Variants in STOX2 observed in about 807,000 individuals in gnomAD.
STOX2 encodes storkhead box 2.
Under a neutral mutation model 60.9 loss-of-function variants are expected in STOX2, and 28 were observed. The observed-to-expected ratio is 0.46, with a 90% confidence interval of 0.34 to 0.63. The LOEUF (loss-of-function observed/expected upper bound fraction) is 0.63. Ranked by LOEUF, STOX2 falls within the 30% of genes least tolerant of loss-of-function variation. The pLI, the probability that STOX2 is intolerant of heterozygous loss-of-function variation, is 0.01. For synonymous variants in STOX2, 472 were observed against 463.9 expected (o/e 1.02, Z -0.22); for missense variants, 1,024 against 1,187.7 (o/e 0.86, Z 2.03).
chr4:183,990,578 ATTTTTTTTTTTTTTTT>A (rs57369052), intron 1 of STOX2, among the ~76,000 whole-genome samples: 17 of 82,450 alleles, frequency 2.1e-4, no homozygotes, highest in Admixed American at 9.2e-4. Context: ...AAAAAGCAGG[ATTTTTTTTTTTTTTTT>A]TTTTTTTTTT....
intron 1 of STOX2, among the ~76,000 whole-genome samples, chr4:183,822,097 A>G (rs1351507528): frequency 1.3e-5 from 2 of 152,130 alleles, no homozygotes; most frequent in Non-Finnish European, 2.9e-5. Flanking sequence ...CGGATTATGG[A>G]GTCTCTGCCA....
chr4:183,881,248 AT>A (rs5864858), intron 1 of STOX2, among the ~76,000 whole-genome samples: 78,370 of 151,962 alleles, frequency 0.52, 20,803 homozygotes, highest in East Asian at 0.6. Flanking sequence ...CACACCTATA[AT>A]TCCAGCACTT....
At chr4:183,918,141 A>T (rs1741984135) in intron 1 of STOX2, among the ~76,000 whole-genome samples, 1 of 152,220 alleles carries the variant, frequency 6.6e-6, no homozygotes, top group Admixed American at 6.5e-5. Context: ...TGCTACATAG[A>T]GTTAAAAGCG....
At chr4:183,875,408 C>G (rs950551310) in intron 1 of STOX2, among the ~76,000 whole-genome samples, 1 of 152,166 alleles carries the variant, frequency 6.6e-6, no homozygotes, top group East Asian at 1.9e-4. Context: ...ATAGCACTTC[C>G]GCAGAGGCCA....
At position 184,017,504 on chromosome 4, in the gene STOX2, G is replaced by A. The variant is rs1259571291; in HGVS notation, c.*220G>A. On this transcript the variant is annotated 3_prime_UTR_variant, in exon 4 of 4. Coordinates refer to ENST00000308497, the MANE Select transcript of STOX2 (RefSeq NM_020225.3). ...CTCTGTAGCAACTGAGTAACAGTAG[G>A]GGTGATATGTATACTTTTGCTTCAC... 2.1e-6 allele frequency: 1 copy of A among 466,198 alleles called. No individual in the cohort carries two copies. Among genetic ancestry groups the A allele is most frequent in the Non-Finnish European group, 3.8e-6 (1 of 263,438 alleles). The allele number at this position is 466,198 out of a possible 1,614,324, so 28.9% of individuals were successfully genotyped here.
At chr4:183,903,415 A>G (rs1741506680), upstream of STOX2, among the ~76,000 whole-genome samples, 1 of 152,120 alleles carries the variant, frequency 6.6e-6, no homozygotes, top group African/African-American at 2.4e-5. Context: ...TCTCAGCTCA[A>G]CTGTCATTTC....
At chr4:183,957,662 G>A (rs901159289) in intron 1 of STOX2, among the ~76,000 whole-genome samples, 17 of 152,172 alleles carry the variant, frequency 1.1e-4, no homozygotes, top group Non-Finnish European at 2.4e-4. Context: ...TTGTCCCCGT[G>A]TCTTTTGAGG....
chr4:183,965,868 A>G (rs1743550747), intron 1 of STOX2, among the ~76,000 whole-genome samples: 1 of 152,090 alleles, frequency 6.6e-6, no homozygotes, highest in Admixed American at 6.5e-5. Flanking sequence ...TGGTTAGGGA[A>G]GAAGGGACAG....
chr4:183,933,042 G>A (rs542805314), intron 1 of STOX2, among the ~76,000 whole-genome samples: 2 of 152,280 alleles, frequency 1.3e-5, no homozygotes, highest in African/African-American at 4.8e-5. Context: ...AAATGACCAT[G>A]AAAAATATAT....
At chr4:183,886,365 A>G in intron 1 of STOX2, among the ~76,000 whole-genome samples, 1 of 152,156 alleles carries the variant, frequency 6.6e-6, no homozygotes. Context: ...GGAATGAGGA[A>G]AGGCCTCCTT....
At chr4:183,938,744 G>A (rs186893336) in intron 1 of STOX2, among the ~76,000 whole-genome samples, 202 of 150,636 alleles carry the variant, frequency 1.3e-3, no homozygotes, top group African/African-American at 4.5e-3. Context: ...GCTCCTGTGT[G>A]CCAACTTTGA....
chr4:183,903,691 CTGAG>C (rs1244761586), upstream of STOX2, among the ~76,000 whole-genome samples: 1 of 152,188 alleles, frequency 6.6e-6, no homozygotes, highest in Non-Finnish European at 1.5e-5. Flanking sequence ...TTGGGAGGTA[CTGAG>C]TAATTGTTGA....
intron 1 of STOX2, among the ~76,000 whole-genome samples, chr4:183,951,301 A>T (rs562913097): frequency 6.6e-6 from 1 of 151,988 alleles, no homozygotes; most frequent in African/African-American, 2.4e-5. Context: ...TTAGGAGCTC[A>T]TTCTTCCTGC....
At chr4:183,993,333 T>C (rs896802905) in intron 1 of STOX2, among the ~76,000 whole-genome samples, 9 of 152,234 alleles carry the variant, frequency 5.9e-5, no homozygotes, top group African/African-American at 1.9e-4. Context: ...ATAGTGGCAT[T>C]AGACAGACTG....
chr4:183,863,969 C>T (rs1740508734), intron 1 of STOX2, among the ~76,000 whole-genome samples: 1 of 152,132 alleles, frequency 6.6e-6, no homozygotes, highest in African/African-American at 2.4e-5. Flanking sequence ...CCTCTTAGCA[C>T]CTTCATTTCT....
chr4:183,805,870 C>T (rs187827963), intron 1 of STOX2, among the ~76,000 whole-genome samples: 21 of 152,332 alleles, frequency 1.4e-4, no homozygotes, highest in Non-Finnish European at 2.8e-4. Flanking sequence ...CTGGCTTAAA[C>T]AGCTCTTGAT....
At chr4:183,928,840 A>C (rs1742321947) in intron 1 of STOX2, among the ~76,000 whole-genome samples, 1 of 152,048 alleles carries the variant, frequency 6.6e-6, no homozygotes, top group African/African-American at 2.4e-5. Context: ...CAACAAAAAA[A>C]CTTGGTTTCT....
chr4:183,899,734 A>G (rs1168260747), intron 1 of STOX2, among the ~76,000 whole-genome samples: 2 of 152,222 alleles, frequency 1.3e-5, no homozygotes, highest in African/African-American at 4.8e-5. Flanking sequence ...TGAAGAAGGA[A>G]GTGCTGATGG....
intron 1 of STOX2, among the ~76,000 whole-genome samples, chr4:183,835,197 G>T (rs1014378436): frequency 2.0e-5 from 3 of 150,838 alleles, no homozygotes; most frequent in Admixed American, 2.0e-4. Context: ...AATGTCCTAA[G>T]ACTTCATCAT....
Sources: gnomAD v4.1 joint callset for allele counts (sites outside exome capture counted in the v4.1 genomes callset) on GRCh38, gnomAD v4.1.1 for gene constraint, MANE v1.5 for transcripts, NCBI Gene and HGNC (gene_info 2026-07-23, HGNC 2026-07-21) for gene names.